The following TNKS variants were observed in gnomAD, a reference collection of about 807,000 sequenced individuals.
TNKS encodes poly [ADP-ribose] polymerase tankyrase-1.
TNKS carries 72 observed loss-of-function variants against 135.8 expected under a neutral mutation model. The ratio of observed to expected loss-of-function variants is 0.53; its 90% CI spans 0.44 to 0.64. The LOEUF (loss-of-function observed/expected upper bound fraction) is 0.64. Ranked by LOEUF, TNKS falls within the 30% of genes least tolerant of loss-of-function variation. The pLI, the probability that TNKS is intolerant of heterozygous loss-of-function variation, is 0.00. For missense variants in TNKS, 1,769 were observed against 1,674.0 expected, an observed-to-expected ratio of 1.06 and a Z score of -0.99; for synonymous variants, 849 against 649.3, an observed-to-expected ratio of 1.31 and a Z score of -4.68.
At chr8:9,698,385 A>AAT (rs1401756330) in intron 5 of TNKS, among the ~76,000 whole-genome samples, 1 of 151,266 alleles carries the variant, frequency 6.6e-6, no homozygotes, top group Admixed American at 6.6e-5. Flanking sequence ...AAAAAAAAAA[A>AAT]AAAAAAGCTT....
intron 1 of TNKS, chr8:9,558,854 G>A (rs1252828102): frequency 6.6e-6 from 1 of 152,050 alleles, no homozygotes. Flanking sequence ...AGTTTGCCAC[G>A]CTTCCGTGAT....
chr8:9,586,445 C>T (rs1798381575), intron 2 of TNKS, among the ~76,000 whole-genome samples: 2 of 151,888 alleles, frequency 1.3e-5, no homozygotes, highest in Admixed American at 6.6e-5. Flanking sequence ...ATTTATACTT[C>T]AGGGACTCCT....
chr8:9,617,040 T>C (rs1199812038), intron 3 of TNKS, among the ~76,000 whole-genome samples: 3 of 152,204 alleles, frequency 2.0e-5, no homozygotes, highest in South Asian at 4.1e-4. Flanking sequence ...CCCTCTGACG[T>C]TTCCTTCTCT....
intron 20 of TNKS, among the ~76,000 whole-genome samples, chr8:9,761,262 G>A (rs189865012): frequency 6.4e-4 from 97 of 152,264 alleles, no homozygotes; most frequent in Admixed American, 5.6e-3. Context: ...TGATCATTTT[G>A]TATTTCTATA....
At chr8:9,603,320 G>A (rs1386617297) in intron 2 of TNKS, among the ~76,000 whole-genome samples, 1 of 148,624 alleles carries the variant, frequency 6.7e-6, no homozygotes. Flanking sequence ...CTCCCAAAGT[G>A]CTGGGATTAC....
chr8:9,612,001 A>G (rs1039785054), intron 2 of TNKS, among the ~76,000 whole-genome samples: 1 of 152,126 alleles, frequency 6.6e-6, no homozygotes, highest in African/African-American at 2.4e-5. Context: ...TTTTTTGAAT[A>G]TTTTAGATCG....
chr8:9,590,183 C>G (rs556439313), intron 2 of TNKS, among the ~76,000 whole-genome samples: 1 of 152,246 alleles, frequency 6.6e-6, no homozygotes, highest in Admixed American at 6.5e-5. Context: ...TCAGGGCCCT[C>G]CTTGGTCTGG....
chr8:9,731,390 G>T (rs1191481833), intron 14 of TNKS, among the ~76,000 whole-genome samples: 2 of 150,738 alleles, frequency 1.3e-5, no homozygotes, highest in East Asian at 4.0e-4. Context: ...AACCCGGGAG[G>T]TGGAGGTTGC....
chr8:9,735,523 G>T, intron 17 of TNKS, 37 bp downstream of exon 17: 1 of 1,535,448 alleles, frequency 6.5e-7, no homozygotes, highest in Non-Finnish European at 9.0e-7. Context: ...AAAACTGACC[G>T]CACGCGGTGG....
chr8:9,645,151 G>A (rs946549755), intron 3 of TNKS, among the ~76,000 whole-genome samples: 2 of 152,082 alleles, frequency 1.3e-5, no homozygotes, highest in Admixed American at 1.3e-4. Flanking sequence ...AGGAGAAGTG[G>A]TGAATGCAAA....
In TNKS at chr8:9,615,605, C is replaced by T; in HGVS notation, c.922C>T (p.Pro308Ser). The T allele has an allele frequency of 6.2e-7, 1 of 1,613,588 alleles. No homozygotes were observed. Among genetic ancestry groups the T allele is most frequent in the Non-Finnish European group, 8.5e-7 (1 of 1,179,840 alleles). ...CIVLLQHGADPNIRNTDGKSA... is the reference protein window; with the variant it reads ...CIVLLQHGADSNIRNTDGKSA... ...AGTGCTGCTGCAGCACGGAGCTGAC[C>T]CAAACATTCGGAACACTGATGGGAA... is the stretch of plus-strand genomic sequence containing the variant. Residue 308 changes from proline (P) to serine (S), a missense_variant, in exon 3 of 27, where the codon CCA becomes TCA. By Grantham distance (74) the Pro-to-Ser change is moderately conservative. Around this residue, in one of 5 missense-constraint regions of TNKS, gnomAD observed 523 missense variants for 541.0 expected, o/e 0.97. Transcript: ENST00000310430.
rs1798064262 is a variant in TNKS at position 9,579,045 on chromosome 8, G to C, written c.674-1114G>C. ...GTTCCTTGACTTCCACGATGTTGAT[G>C]TTGTGCTTTCTTAGTATTTCTTACC... On this transcript the variant is annotated intron_variant, in intron 1 of 26. Transcript: ENST00000310430. 2.0e-5 allele frequency among the ~76,000 whole-genome samples: 3 copies of C among 152,140 alleles called. 1 individual carries two copies.
intron 17 of TNKS, among the ~76,000 whole-genome samples, chr8:9,736,169 A>G (rs913564161): frequency 4.6e-5 from 7 of 151,330 alleles, no homozygotes; most frequent in African/African-American, 1.7e-4. Context: ...AAAGCTGTGC[A>G]GCTGTTATAC....
rs146529965 is a variant in TNKS at position 9,717,706 on chromosome 8, C to T, written c.1750-2668C>T. Among the ~76,000 whole-genome samples, 269 of 152,190 alleles carry T rather than the reference C, an allele frequency of 1.8e-3. 2 individuals are homozygous for T. The highest frequency in any genetic ancestry group is 6.0e-3 in the African/African-American group (248 of 41,530). On this transcript the variant is annotated intron_variant, in intron 11 of 26. Coordinates refer to ENST00000310430, the MANE Select transcript of TNKS (RefSeq NM_003747.3). ...AGGATGTATAAAGTTTGAATTTGATCAAGATCCTTCTCTTAAGGAACTTAA... is the reference window on the plus strand; with the variant it reads ...AGGATGTATAAAGTTTGAATTTGATTAAGATCCTTCTCTTAAGGAACTTAA...
intron 1 of TNKS, among the ~76,000 whole-genome samples, chr8:9,567,538 C>A (rs113104692): frequency 2.2e-3 from 341 of 152,338 alleles, no homozygotes; most frequent in African/African-American, 7.6e-3. Context: ...GCCTCAGCCT[C>A]CCGAGTAGCT....
rs541003636 is a variant in TNKS, at chr8:9,747,423, G to A, written c.2644-601G>A. Among the ~76,000 whole-genome samples, 4 of 152,110 alleles carry A rather than the reference G, an allele frequency of 2.6e-5. No individual in the cohort carries two copies. The South Asian group carries it at 8.3e-4, about 32-fold the overall frequency. ...ATGGTTCAGGGTCTCATCACCTCAT[G>A]CCCAGGTTATTAGCATGTCTGCTGC... On this transcript the variant is annotated intron_variant, in intron 17 of 26. Coordinates refer to ENST00000310430, the MANE Select transcript of TNKS (RefSeq NM_003747.3).
intron 3 of TNKS, among the ~76,000 whole-genome samples, chr8:9,628,177 AAC>A (rs889526291): frequency 6.6e-6 from 1 of 152,004 alleles, no homozygotes. Context: ...TAAAAAAAAA[AAC>A]ATTCTTTTGT....
intron 2 of TNKS, among the ~76,000 whole-genome samples, chr8:9,594,436 G>C (rs1798698356): frequency 6.6e-6 from 1 of 152,156 alleles, no homozygotes; most frequent in Non-Finnish European, 1.5e-5. Context: ...TGTTTTAAAT[G>C]CTTAATGACC....
intron 2 of TNKS, among the ~76,000 whole-genome samples, chr8:9,588,821 C>T (rs75939950): frequency 6.6e-6 from 1 of 152,062 alleles, no homozygotes; most frequent in African/African-American, 2.4e-5. Context: ...TAATGAGCTG[C>T]TTGGCCTATG....
Sources: gnomAD v4.1 joint callset for allele counts (sites outside exome capture counted in the v4.1 genomes callset) on GRCh38, gnomAD v4.1.1 for gene constraint, gnomAD v4.1.1 regional missense constraint, MANE v1.5 for transcripts, NCBI Gene and HGNC (gene_info 2026-07-23, HGNC 2026-07-21) for gene names.